The following SERPINA9 variants were observed in gnomAD, a reference collection of about 807,000 sequenced individuals.
SERPINA9 encodes the protein serpin A9.
A neutral mutation model predicts 24.5 loss-of-function variants in SERPINA9; 32 were observed. The observed-to-expected ratio is 1.30, with a 90% confidence interval of 0.98 to 1.75. The LOEUF (loss-of-function observed/expected upper bound fraction) is 1.75. SERPINA9 is among the 40% of genes most tolerant of loss of function. The pLI is 0.00. For missense variants in SERPINA9, 594 were observed against 497.1 expected, an observed-to-expected ratio of 1.19 and a Z score of -1.85; for synonymous variants, 233 against 197.7, an observed-to-expected ratio of 1.18 and a Z score of -1.50.
chr14:94,474,043 G>A (rs1334985460), intron 1 of SERPINA9, among the ~76,000 whole-genome samples: 1 of 152,220 alleles, frequency 6.6e-6, no homozygotes, highest in Non-Finnish European at 1.5e-5. Flanking sequence ...TTGGAATCAG[G>A]GTGAAGGAAT....
At chr14:94,475,720 C>G (rs1899589461) in intron 1 of SERPINA9, among the ~76,000 whole-genome samples, 3 of 152,280 alleles carry the variant, frequency 2.0e-5, no homozygotes, top group Admixed American at 6.5e-5. Flanking sequence ...TGCACTTAAA[C>G]ACTCCCTCTC....
intron 2 of SERPINA9, among the ~76,000 whole-genome samples, chr14:94,468,475 C>G (rs1007152175): frequency 1.3e-5 from 2 of 152,162 alleles, no homozygotes; most frequent in Admixed American, 1.3e-4. Context: ...ACTTCTATCT[C>G]AAGCACAACC....
At chr14:94,475,437 TACACACACAC>T (rs56863971) in intron 1 of SERPINA9, among the ~76,000 whole-genome samples, 6 of 149,924 alleles carry the variant, frequency 4.0e-5, no homozygotes, top group African/African-American at 7.3e-5. Flanking sequence ...CACACACACA[TACACACACAC>T]ACACACACAC....
chr14:94,465,781 G>A (rs562067439), intron 3 of SERPINA9, among the ~76,000 whole-genome samples: 7 of 152,206 alleles, frequency 4.6e-5, no homozygotes, highest in East Asian at 1.9e-4. Context: ...CACCCGCCTC[G>A]GCTTCCCAAA....
chr14:94,474,207 G>T (rs1054445580), intron 1 of SERPINA9, among the ~76,000 whole-genome samples: 2 of 152,218 alleles, frequency 1.3e-5, no homozygotes, highest in African/African-American at 2.4e-5. Context: ...TGGCAGTGGG[G>T]CAGGTGGCTC....
At chr14:94,463,421 T>C in intron 4 of SERPINA9, 125 bp from the exon 5 acceptor site, 1 of 784,210 alleles carries the variant, frequency 1.3e-6, no homozygotes. Context: ...AAGGTTCAAA[T>C]GCCTGGCATT....
At chr14:94,467,456 G>T in intron 2 of SERPINA9, 74 bp from the exon 3 acceptor site, 1 of 1,370,086 alleles carries the variant, frequency 7.3e-7, no homozygotes, top group Non-Finnish European at 1.0e-6. Flanking sequence ...ACTGAAATGG[G>T]GAATTACTTC....
chr14:94,470,761 A>C (rs1334461953), intron 1 of SERPINA9, among the ~76,000 whole-genome samples: 2 of 152,198 alleles, frequency 1.3e-5, no homozygotes, highest in East Asian at 3.8e-4. Flanking sequence ...GTTTTGTTGA[A>C]GTCAGAGAGA....
At chr14:94,465,507 A>G (rs947216868) in intron 3 of SERPINA9, among the ~76,000 whole-genome samples, 24 of 151,444 alleles carry the variant, frequency 1.6e-4, no homozygotes, top group African/African-American at 5.6e-4. Flanking sequence ...TCCCTGAACC[A>G]AGAGTAAACA....
intron 1 of SERPINA9, chr14:94,470,265 C>G: frequency 1.0e-6 from 1 of 954,836 alleles, no homozygotes. Context: ...GGAGGTCCCT[C>G]CACACATTCT....
At chr14:94,473,355 C>A (rs1192609987) in intron 1 of SERPINA9, among the ~76,000 whole-genome samples, 2 of 152,008 alleles carry the variant, frequency 1.3e-5, no homozygotes, top group African/African-American at 2.4e-5. Flanking sequence ...CCCATCTCTA[C>A]TAAAAATGCA....
intron 1 of SERPINA9, among the ~76,000 whole-genome samples, chr14:94,471,974 C>T (rs1037866808): frequency 2.6e-5 from 4 of 152,128 alleles, no homozygotes; most frequent in African/African-American, 9.7e-5. Flanking sequence ...TCTGGTCATG[C>T]TTCCTCAAAA....
chr14:94,464,300 T>TCC lies in SERPINA9; in HGVS notation c.1050+406_1050+407insGG, dbSNP rs1371010472. 9.9e-5 allele frequency: 20 copies of TCC among 202,230 alleles called. No individual in the cohort carries two copies. The South Asian group carries it at 3.2e-3, about 32-fold the overall frequency. 12.5% of individuals were successfully genotyped at this position (202,230 alleles called of 1,614,324 possible). ...CTCTCTCTCTCTCTCTCTCTCTCTC[T>TCC]CTCTCTCTCTCTCTCTCTCCTTACA... On this transcript the variant is annotated intron_variant, in intron 4 of 4. Transcript: ENST00000674397.
chr14:94,475,703 T>C (rs569787956), intron 1 of SERPINA9, among the ~76,000 whole-genome samples: 13 of 152,288 alleles, frequency 8.5e-5, no homozygotes, highest in Non-Finnish European at 1.9e-4. Flanking sequence ...CTTCCACCTC[T>C]CTTTTCTGCA....
At chr14:94,475,400 A>T (rs1284078549) in intron 1 of SERPINA9, among the ~76,000 whole-genome samples, 1 of 150,632 alleles carries the variant, frequency 6.6e-6, no homozygotes, top group African/African-American at 2.4e-5. Flanking sequence ...TGTGCTACAT[A>T]TGCATGTGTG....
chr14:94,475,898 T>A, intron 1 of SERPINA9: 2 of 559,930 alleles, frequency 3.6e-6, no homozygotes, highest in Admixed American at 3.3e-5. Context: ...TCAAGAGCTG[T>A]GTATTCATGG....
At chr14:94,469,088 G>A (rs1163650419) in intron 2 of SERPINA9, 125 bp downstream of exon 2, 4 of 817,640 alleles carry the variant, frequency 4.9e-6, no homozygotes, top group South Asian at 1.8e-5. Context: ...GCTAATTAGA[G>A]CTCAGGCCCT....
chr14:94,469,769 G>T lies in SERPINA9; in HGVS notation c.72C>A (p.Ala24=). ...LCAPIYCVSP[A]NAPSAYPRPS... ...GGCGGGGGTATGCACTGGGGGCATT[G>T]GCCGGGGACACACAGTAGATTGGAG... Residue 24 remains alanine (A), a synonymous_variant, in exon 2 of 5, where the codon GCC becomes GCA. Coordinates refer to ENST00000674397, the MANE Select transcript of SERPINA9 (RefSeq NM_175739.4). The T allele has an allele frequency of 1.9e-6, 3 of 1,554,436 alleles. No homozygotes were observed. The highest frequency in any genetic ancestry group is 2.6e-6 in the Non-Finnish European group (3 of 1,149,218).
At chr14:94,475,817 C>T (rs528566479) in intron 1 of SERPINA9, 7 of 424,996 alleles carry the variant, frequency 1.6e-5, no homozygotes, top group Admixed American at 4.0e-5. Context: ...AACAAAAACA[C>T]TCCTTTCACC....
Sources: allele counts gnomAD v4.1 joint callset (sites outside exome capture counted in the v4.1 genomes callset), GRCh38; gene constraint gnomAD v4.1.1; transcripts MANE v1.5; gene names NCBI Gene and HGNC (gene_info 2026-07-23, HGNC 2026-07-21).